RASGRF2: variants seen among roughly 807,000 people sequenced by gnomAD.
RASGRF2 encodes the protein ras-specific guanine nucleotide-releasing factor 2.
In RASGRF2, 76 loss-of-function variants were observed where a neutral mutation model predicts 151.0. That is an observed-to-expected ratio of 0.50 (90% CI 0.42 to 0.61). The LOEUF (loss-of-function observed/expected upper bound fraction) is 0.61. RASGRF2 is among the 20% of genes least tolerant of loss of function. RASGRF2 has a pLI of 0.00. For missense variants in RASGRF2, 1,148 were observed against 1,564.6 expected, an observed-to-expected ratio of 0.73 and a Z score of 4.49; for synonymous variants, 504 against 566.5, an observed-to-expected ratio of 0.89 and a Z score of 1.57.
intron 13 of RASGRF2, among the ~76,000 whole-genome samples, chr5:81,112,005 T>G (rs6882120): frequency 0.11 from 16,679 of 152,242 alleles, 1,148 homozygotes; most frequent in African/African-American, 0.19. Flanking sequence ...TAAAGAGGGC[T>G]TTTGGCTTCA....
At chr5:81,124,642 G>T (rs897240384) in intron 16 of RASGRF2, among the ~76,000 whole-genome samples, 1 of 152,038 alleles carries the variant, frequency 6.6e-6, no homozygotes. Flanking sequence ...AAATTGTAAA[G>T]CATTACTCCA....
chr5:81,109,172 T>C, intron 13 of RASGRF2, 94 bp downstream of exon 13: 1 of 1,464,242 alleles, frequency 6.8e-7, no homozygotes. Context: ...AATAGAATTC[T>C]GCTTCTTGTT....
chr5:81,003,427 G>T (rs569244830), intron 1 of RASGRF2, among the ~76,000 whole-genome samples: 1 of 152,074 alleles, frequency 6.6e-6, no homozygotes, highest in Non-Finnish European at 1.5e-5. Flanking sequence ...GTTTCACCAG[G>T]TTAGCCAGGA....
At position 81,193,396 on chromosome 5, in the gene RASGRF2, C is replaced by T. The variant is rs1385747527; in HGVS notation, c.2794-7934C>T. Among the ~76,000 whole-genome samples, 6 of 152,238 alleles carry T rather than the reference C, an allele frequency of 3.9e-5. No individual in the cohort carries two copies. The East Asian group carries it at 5.8e-4, about 15-fold the overall frequency. On this transcript the variant is annotated intron_variant, in intron 18 of 26. Coordinates refer to ENST00000265080, the MANE Select transcript of RASGRF2 (RefSeq NM_006909.3). ...CTGGAAACCACAGTTTCCAGATCCCCGTCTCAAATGGTCATCAGTGAAGGG... is the reference window on the plus strand; with the variant it reads ...CTGGAAACCACAGTTTCCAGATCCCTGTCTCAAATGGTCATCAGTGAAGGG...
chr5:81,174,567 C>T (rs1754729997), intron 17 of RASGRF2, among the ~76,000 whole-genome samples: 1 of 152,172 alleles, frequency 6.6e-6, no homozygotes, highest in African/African-American at 2.4e-5. Flanking sequence ...TCTGCTTTTT[C>T]CTCAGCATGT....
intron 2 of RASGRF2, 139 bp from the exon 3 acceptor site, chr5:81,067,893 T>C (rs185178394): frequency 4.7e-5 from 30 of 639,850 alleles, no homozygotes; most frequent in African/African-American, 2.6e-4. Flanking sequence ...AAGCTGAAAG[T>C]TAACATTTAT....
At chr5:80,991,905 G>C (rs77946653) in intron 1 of RASGRF2, among the ~76,000 whole-genome samples, 2 of 152,180 alleles carry the variant, frequency 1.3e-5, no homozygotes, top group Non-Finnish European at 2.9e-5. Flanking sequence ...GTAAGAAAGT[G>C]CTGCCATGGC....
chr5:81,227,588 T>C lies in RASGRF2; in HGVS notation c.*1818T>C, dbSNP rs1297993139. 1 of 152,230 alleles carries C rather than the reference T, an allele frequency of 6.6e-6. No individual in the cohort carries two copies. The highest frequency in any genetic ancestry group is 1.5e-5 in the Non-Finnish European group (1 of 68,042). The allele number at this position is 152,230 out of a possible 1,614,324, so 9.4% of individuals were successfully genotyped here. ...GATCCTAACAACGCATAACTTGTGA[T>C]TTATTTCTCAGTGCTCCAGAAACTG... is the stretch of plus-strand genomic sequence containing the variant. On this transcript the variant is annotated 3_prime_UTR_variant, in exon 27 of 27. Coordinates refer to ENST00000265080, the MANE Select transcript of RASGRF2 (RefSeq NM_006909.3).
At chr5:81,117,360 C>T (rs1161514793) in intron 15 of RASGRF2, among the ~76,000 whole-genome samples, 2 of 152,190 alleles carry the variant, frequency 1.3e-5, no homozygotes, top group African/African-American at 4.8e-5. Context: ...GCCCTTCTTG[C>T]TCTGTCATAA....
intron 17 of RASGRF2, among the ~76,000 whole-genome samples, chr5:81,176,955 G>A (rs779521722): frequency 1.3e-5 from 2 of 152,118 alleles, no homozygotes; most frequent in Non-Finnish European, 2.9e-5. Context: ...TTCTTTTATG[G>A]AGGGGTGGTC....
At chr5:80,970,904 C>T (rs1027468184) in intron 1 of RASGRF2, among the ~76,000 whole-genome samples, 3 of 152,180 alleles carry the variant, frequency 2.0e-5, no homozygotes, top group Non-Finnish European at 4.4e-5. Context: ...CCTTCAGTAG[C>T]AGTTTTACAT....
rs10606038 is a variant in RASGRF2, at chr5:81,108,834, C to CTGTGTG, written c.1756-120_1756-115dup. Reference sequence around the variant, plus strand: ...CATCAGTGTATAATATTTACCTACTCTGTGTGTGTGTGTGTGTGTGTGTGT... The same window carrying CTGTGTG: ...CATCAGTGTATAATATTTACCTACTCTGTGTGTGTGTGTGTGTGTGTGTGTGTGTGT... On this transcript the variant is annotated intron_variant, in intron 12 of 26. Transcript: ENST00000265080. 3.2e-3 allele frequency among the ~76,000 whole-genome samples: 444 copies of CTGTGTG among 139,906 alleles called. 4 individuals carry two copies. Among genetic ancestry groups the CTGTGTG allele is most frequent in the African/African-American group, 0.011 (413 of 37,744 alleles). 91.8% of individuals were successfully genotyped at this position (139,906 alleles called of 152,430 possible). A position where few individuals can be genotyped will look rare whatever the true frequency, so the allele number is the denominator to read the frequency against.
chr5:81,166,811 G>A (rs956426144), intron 17 of RASGRF2, among the ~76,000 whole-genome samples: 2 of 152,104 alleles, frequency 1.3e-5, no homozygotes, highest in African/African-American at 4.8e-5. Context: ...AGGACACTGA[G>A]AACCCGAGAT....
chr5:81,106,942 C>G (rs1752862911), intron 12 of RASGRF2, among the ~76,000 whole-genome samples: 1 of 152,170 alleles, frequency 6.6e-6, no homozygotes, highest in African/African-American at 2.4e-5. Flanking sequence ...GTGCTTGCAA[C>G]CAGACCAGCA....
At chr5:81,166,142 T>C (rs1485960857) in intron 17 of RASGRF2, among the ~76,000 whole-genome samples, 1 of 152,092 alleles carries the variant, frequency 6.6e-6, no homozygotes, top group Non-Finnish European at 1.5e-5. Flanking sequence ...AGCGGATTAC[T>C]GGGGCAAAAA....
chr5:81,174,434 A>C (rs1483134610), intron 17 of RASGRF2, among the ~76,000 whole-genome samples: 1 of 152,250 alleles, frequency 6.6e-6, no homozygotes, highest in Non-Finnish European at 1.5e-5. Flanking sequence ...GAATGGGGAC[A>C]ACCCTAGAAA....
At chr5:81,108,919 G>A (rs1244792518) in intron 12 of RASGRF2, 77 bp from the exon 13 acceptor site, 6 of 1,369,446 alleles carry the variant, frequency 4.4e-6, no homozygotes, top group African/African-American at 1.5e-5. Flanking sequence ...GATTCTTTTA[G>A]CTATAAACAA....
At chr5:81,131,646 C>T (rs1484392540) in intron 17 of RASGRF2, among the ~76,000 whole-genome samples, 5 of 151,068 alleles carry the variant, frequency 3.3e-5, no homozygotes, top group African/African-American at 9.8e-5. Context: ...TGAGCCACTG[C>T]GCCTGGCCTC....
chr5:81,108,284 C>T (rs34112), intron 12 of RASGRF2, among the ~76,000 whole-genome samples: 109,245 of 152,094 alleles, frequency 0.72, 39,554 homozygotes, highest in Middle Eastern at 0.83. Context: ...AGAGAGAAAA[C>T]GCAAATTGAT....
Sources: allele counts gnomAD v4.1 joint callset (sites outside exome capture counted in the v4.1 genomes callset), GRCh38; gene constraint gnomAD v4.1.1; transcripts MANE v1.5; gene names NCBI Gene and HGNC (gene_info 2026-07-23, HGNC 2026-07-21).